The following KCNIP4 variants were observed in gnomAD, a reference collection of about 807,000 sequenced individuals.
The protein encoded by KCNIP4 is potassium voltage-gated channel interacting protein 4, also known as Kv channel-interacting protein 4.
KCNIP4 carries 12 observed loss-of-function variants against 34.0 expected under a neutral mutation model. The observed-to-expected ratio is 0.35, with a 90% CI of 0.23 to 0.57. The LOEUF is 0.57. KCNIP4 is among the 20% of genes least tolerant of loss of function. KCNIP4 has a pLI of 0.83. For missense variants in KCNIP4, 238 were observed against 311.7 expected, an observed-to-expected ratio of 0.76 and a Z score of 1.78; for synonymous variants, 124 against 102.2, an observed-to-expected ratio of 1.21 and a Z score of -1.29.
At chr4:21,224,947 T>C (rs1758268015) in intron 1 of KCNIP4, among the ~76,000 whole-genome samples, 1 of 152,108 alleles carries the variant, frequency 6.6e-6, no homozygotes, top group African/African-American at 2.4e-5. Context: ...TGTACAGTAT[T>C]CAATAAATTA....
chr4:20,936,520 C>T (rs886985679), intron 1 of KCNIP4, among the ~76,000 whole-genome samples: 1 of 151,690 alleles, frequency 6.6e-6, no homozygotes, highest in African/African-American at 2.4e-5. Context: ...ACTCCTTCTA[C>T]AAGTACTGAA....
rs112131355 is a variant in KCNIP4, at chr4:21,857,683, T to C, written c.61+90888A>G. ...TTTATAACTCAATAAAGCTCCTCTT[T>C]GCCTTGCTCACTCTCCACTTGTTTG... On this transcript the variant is annotated intron_variant, in intron 1 of 8. Coordinates refer to ENST00000382152, the MANE Select transcript of KCNIP4 (RefSeq NM_025221.6). 7.9e-3 allele frequency among the ~76,000 whole-genome samples: 1,207 copies of C among 152,308 alleles called. 16 individuals are homozygous for C. The highest frequency in any genetic ancestry group is 0.027 in the African/African-American group (1,142 of 41,558).
At chr4:20,865,478 A>G (rs1369737712) in intron 2 of KCNIP4, among the ~76,000 whole-genome samples, 1 of 152,090 alleles carries the variant, frequency 6.6e-6, no homozygotes, top group Non-Finnish European at 1.5e-5. Context: ...ATGTCCATCA[A>G]TAAACAAATG....
chr4:21,732,136 T>C (rs1001272292), intron 1 of KCNIP4, among the ~76,000 whole-genome samples: 3 of 151,926 alleles, frequency 2.0e-5, no homozygotes, highest in East Asian at 1.9e-4. Flanking sequence ...TTTTAAAATA[T>C]GTAAAATAGG....
intron 2 of KCNIP4, 104 bp from the exon 3 acceptor site, chr4:20,850,771 A>C: frequency 2.2e-6 from 3 of 1,350,624 alleles, no homozygotes; most frequent in Non-Finnish European, 3.0e-6. Context: ...AATGTCTGTG[A>C]CTGTCCACAG....
chr4:21,793,983 A>G (rs1720459039), intron 1 of KCNIP4, among the ~76,000 whole-genome samples: 1 of 152,226 alleles, frequency 6.6e-6, no homozygotes, highest in Non-Finnish European at 1.5e-5. Flanking sequence ...TGTCCTTTGT[A>G]GGGACATGGA....
chr4:20,744,447 A>T (rs1351963086), intron 5 of KCNIP4, among the ~76,000 whole-genome samples: 1 of 152,178 alleles, frequency 6.6e-6, no homozygotes, highest in African/African-American at 2.4e-5. Flanking sequence ...CATAAAAAGG[A>T]TGAGTTCATG....
intron 1 of KCNIP4, among the ~76,000 whole-genome samples, chr4:21,905,449 C>T (rs1158685774): frequency 6.6e-6 from 1 of 151,968 alleles, no homozygotes; most frequent in East Asian, 1.9e-4. Context: ...TACATGTGCA[C>T]AACATGCAGG....
At chr4:21,550,752 T>G (rs1338147422) in intron 1 of KCNIP4, among the ~76,000 whole-genome samples, 1 of 152,138 alleles carries the variant, frequency 6.6e-6, no homozygotes, top group Non-Finnish European at 1.5e-5. Context: ...CTATTTCCTG[T>G]GTTTATTGAT....
At chr4:21,058,820 A>G (rs1743645194) in intron 1 of KCNIP4, among the ~76,000 whole-genome samples, 1 of 152,102 alleles carries the variant, frequency 6.6e-6, no homozygotes, top group Non-Finnish European at 1.5e-5. Context: ...GTCTTGCCCA[A>G]TGACTGACTG....
chr4:20,873,728 C>T (rs142214622), intron 2 of KCNIP4, among the ~76,000 whole-genome samples: 1 of 152,298 alleles, frequency 6.6e-6, no homozygotes, highest in East Asian at 1.9e-4. Context: ...GATGAAAAAT[C>T]ACTCCTCAAC....
chr4:21,451,466 T>C (rs1377655260), intron 1 of KCNIP4, among the ~76,000 whole-genome samples: 1 of 152,188 alleles, frequency 6.6e-6, no homozygotes, highest in South Asian at 2.1e-4. Flanking sequence ...ACTAACTTAA[T>C]TGCCTGTTTT....
intron 3 of KCNIP4, among the ~76,000 whole-genome samples, chr4:20,807,745 G>A (rs1715263565): frequency 6.6e-6 from 1 of 152,096 alleles, no homozygotes; most frequent in Non-Finnish European, 1.5e-5. Flanking sequence ...AATGTGCTCA[G>A]TAACTCATCC....
At chr4:21,942,860 C>T (rs750801647) in intron 1 of KCNIP4, among the ~76,000 whole-genome samples, 1 of 152,228 alleles carries the variant, frequency 6.6e-6, no homozygotes, top group African/African-American at 2.4e-5. Context: ...TGGGTTCAAG[C>T]GATTCTCCCT....
chr4:20,982,153 T>C (rs1736124480), intron 1 of KCNIP4, among the ~76,000 whole-genome samples: 1 of 152,194 alleles, frequency 6.6e-6, no homozygotes, highest in Non-Finnish European at 1.5e-5. Flanking sequence ...TTTGACAATA[T>C]AAGAACTGTG....
intron 1 of KCNIP4, chr4:21,315,272 T>C: frequency 6.3e-6 from 1 of 158,230 alleles, no homozygotes; most frequent in South Asian, 2.0e-4. Flanking sequence ...TTCTCCCTCC[T>C]CAGCCTACTC....
intron 1 of KCNIP4, chr4:21,304,043 GAGAGAGAGAGAGAGAGAGAGAGAGAC>G (rs1247032144): frequency 9.9e-4 from 546 of 551,306 alleles, no homozygotes; most frequent in African/African-American, 5.0e-3. Flanking sequence ...GAGAGAGAGA[GAGAGAGAGAGAGAGAGAGAGAGAGAC>G]AGAGAGAGAG....
chr4:20,817,964 A>G (rs1326467865), intron 3 of KCNIP4, among the ~76,000 whole-genome samples: 2 of 152,176 alleles, frequency 1.3e-5, no homozygotes, highest in African/African-American at 4.8e-5. Flanking sequence ...TTGTGGGTAA[A>G]AAAATTATTC....
chr4:21,928,895 A>G (rs968177477), intron 1 of KCNIP4, among the ~76,000 whole-genome samples: 3 of 151,980 alleles, frequency 2.0e-5, no homozygotes, highest in African/African-American at 7.2e-5. Context: ...CCTAACTGAG[A>G]TATAACTCAG....
Sources: allele counts gnomAD v4.1 joint callset (sites outside exome capture counted in the v4.1 genomes callset), GRCh38; gene constraint gnomAD v4.1.1; transcripts MANE v1.5; gene names NCBI Gene and HGNC (gene_info 2026-07-23, HGNC 2026-07-21).